HEXB: variants seen among roughly 807,000 people sequenced by gnomAD.
HEXB encodes hexosaminidase subunit beta.
HEXB carries 51 observed loss-of-function variants against 71.2 expected under a neutral mutation model. The observed-to-expected ratio is 0.72, with a 90% confidence interval of 0.57 to 0.90. The LOEUF is 0.90. HEXB is among the 40% of genes least tolerant of loss of function. The probability of loss-of-function intolerance (pLI) is 0.00; values close to 1 mark genes in which losing one functional copy is unlikely to be tolerated. For missense variants in HEXB, 617 were observed against 677.0 expected (o/e 0.91, Z 0.98); for synonymous variants, 266 against 249.3 (o/e 1.07, Z -0.63).
chr5:74,683,763 T>A (rs117610262), upstream of HEXB, among the ~76,000 whole-genome samples: 149 of 151,972 alleles, frequency 9.8e-4, 2 homozygotes, highest in East Asian at 0.025. Flanking sequence ...CATGCCAAAG[T>A]GCCACACTTT....
chr5:74,709,519 G>A (rs1162291301), intron 6 of HEXB, among the ~76,000 whole-genome samples: 1 of 151,964 alleles, frequency 6.6e-6, no homozygotes, highest in Non-Finnish European at 1.5e-5. Flanking sequence ...TTTTTTGAAA[G>A]GATCAACAAA....
In HEXB at chr5:74,685,304, T is replaced by A; in HGVS notation, c.44T>A (p.Leu15Gln). ...GGGCTGCCCCGGCCGCCCATGCTGC[T>A]GGCGCTGCTGTTGGCGACACTGCTG... is the stretch of plus-strand genomic sequence containing the variant. ...GLGLPRPPMLLALLLATLLAA... is the reference protein window; with the variant it reads ...GLGLPRPPMLQALLLATLLAA... Residue 15 changes from leucine to glutamine, a missense_variant, in exon 1 of 14, where the codon CTG (leucine) becomes CAG (glutamine). Physicochemically the swap from Leu to Gln is moderately radical, Grantham distance 113. Transcript: ENST00000261416. The A allele has an allele frequency of 6.4e-7, 1 of 1,562,330 alleles. No individual in the cohort carries two copies.
At chr5:74,650,868 G>C (rs1032839782) in intron 1 of HEXB, among the ~76,000 whole-genome samples, 6 of 147,082 alleles carry the variant, frequency 4.1e-5, no homozygotes, top group African/African-American at 1.5e-4. Context: ...AGAGCTTGCA[G>C]TGAGCTGGGA....
intron 11 of HEXB, among the ~76,000 whole-genome samples, 173 bp downstream of exon 11, chr5:74,719,144 GTTTTT>G (rs904935154): frequency 4.6e-5 from 7 of 152,068 alleles, no homozygotes; most frequent in African/African-American, 7.2e-5. Flanking sequence ...GATTTTATGT[GTTTTT>G]TTAAGTTCAG....
chr5:74,716,541 G>T, intron 8 of HEXB, 46 bp from the exon 9 acceptor site: 2 of 1,134,552 alleles, frequency 1.8e-6, no homozygotes, highest in South Asian at 1.3e-5. Context: ...ATAATAAACT[G>T]AGCATATCAA....
intron 5 of HEXB, among the ~76,000 whole-genome samples, chr5:74,701,650 C>T (rs945582564): frequency 6.6e-6 from 1 of 151,990 alleles, no homozygotes. Flanking sequence ...AAGTCTTAAA[C>T]TTAGGGAAAA....
intron 6 of HEXB, among the ~76,000 whole-genome samples, chr5:74,712,821 A>G (rs1749580722): frequency 6.6e-6 from 1 of 152,216 alleles, no homozygotes; most frequent in Non-Finnish European, 1.5e-5. Context: ...CTTATAGGCC[A>G]TAGTTTGAGA....
At chr5:74,719,140 A>G (rs193108466) in intron 11 of HEXB, among the ~76,000 whole-genome samples, 169 bp downstream of exon 11, 162 of 152,196 alleles carry the variant, frequency 1.1e-3, no homozygotes, top group African/African-American at 3.7e-3. Flanking sequence ...CCTTGATTTT[A>G]TGTGTTTTTT....
At chr5:74,665,761 CT>C (rs531392785) in intron 1 of HEXB, among the ~76,000 whole-genome samples, 4 of 151,616 alleles carry the variant, frequency 2.6e-5, no homozygotes, top group South Asian at 2.1e-4. Context: ...ATACCGAATT[CT>C]TTTTTTTTAA....
intron 1 of HEXB, among the ~76,000 whole-genome samples, chr5:74,650,325 C>T (rs923899327): frequency 2.6e-5 from 4 of 152,202 alleles, no homozygotes; most frequent in African/African-American, 9.7e-5. Flanking sequence ...TTTTAGAGGA[C>T]AGATGCTAAA....
rs865798147 is a variant in HEXB at position 74,654,110 on chromosome 5, G to C, written c.-377+13552G>C. 3.3e-5 allele frequency among the ~76,000 whole-genome samples: 5 copies of C among 152,104 alleles called. No individual in the cohort carries two copies. In the South Asian group the frequency reaches 1.0e-3, roughly 32 times the overall value. ...TGCCCCACCCAAGATCATTCTTGTG[G>C]ACCCAGGTGTAGCCAGCTCACACTA... On this transcript the variant is annotated intron_variant, in intron 1 of 13. Coordinates refer to the HEXB transcript ENST00000511181.
At chr5:74,706,099 A>C (rs957739281) in intron 6 of HEXB, 2 of 152,314 alleles carry the variant, frequency 1.3e-5, no homozygotes, top group Non-Finnish European at 2.9e-5. Context: ...TGTTCTCATC[A>C]TGCCAGTTCA....
At chr5:74,718,217 T>C (rs1479144429) in intron 9 of HEXB, 74 bp from the exon 10 acceptor site, 6 of 1,038,960 alleles carry the variant, frequency 5.8e-6, no homozygotes, top group Non-Finnish European at 9.0e-6. Context: ...AAATCCTTGG[T>C]AGAAAATGTA....
chr5:74,655,538 G>A (rs1186046843), intron 1 of HEXB, among the ~76,000 whole-genome samples: 3 of 151,942 alleles, frequency 2.0e-5, no homozygotes, highest in East Asian at 1.9e-4. Context: ...ATTTCAGCAC[G>A]TTGGCCAGGC....
chr5:74,669,199 T>C (rs1416932527), intron 1 of HEXB, among the ~76,000 whole-genome samples: 1 of 152,184 alleles, frequency 6.6e-6, no homozygotes, highest in Non-Finnish European at 1.5e-5. Flanking sequence ...ATATAGTAAA[T>C]ATACTATGCC....
At chr5:74,700,001 C>CTTTTTTT (rs58177670) in intron 5 of HEXB, among the ~76,000 whole-genome samples, 5 of 40,336 alleles carry the variant, frequency 1.2e-4, no homozygotes, top group Non-Finnish European at 1.7e-4. Flanking sequence ...TGTAAGTTTC[C>CTTTTTTT]TTTTTTTTTT....
intron 2 of HEXB, among the ~76,000 whole-genome samples, chr5:74,692,553 G>T (rs1038790919): frequency 6.6e-6 from 1 of 152,180 alleles, no homozygotes; most frequent in African/African-American, 2.4e-5. Flanking sequence ...TAGCAATATA[G>T]TTCTTAGCCT....
intron 1 of HEXB, 61 bp downstream of exon 1, chr5:74,685,620 G>A: frequency 1.4e-6 from 2 of 1,459,392 alleles, no homozygotes; most frequent in Admixed American, 2.3e-5. Context: ...GACCACCCCG[G>A]AGCGCTGTGC....
intron 8 of HEXB, among the ~76,000 whole-genome samples, chr5:74,716,016 CAAAAAAAAAAAA>C (rs71600435): frequency 4.6e-5 from 3 of 64,860 alleles, no homozygotes; most frequent in Non-Finnish European, 8.9e-5. Flanking sequence ...GACTCCATCT[CAAAAAAAAAAAA>C]AAAAAAAAAA....
Sources: allele counts gnomAD v4.1 joint callset (sites outside exome capture counted in the v4.1 genomes callset), GRCh38; gene constraint gnomAD v4.1.1; transcripts MANE v1.5; gene names NCBI Gene and HGNC (gene_info 2026-07-23, HGNC 2026-07-21).